Variants in GALNTL6 observed in about 807,000 individuals in gnomAD.
The protein encoded by GALNTL6 is polypeptide N-acetylgalactosaminyltransferase like 6.
Under a neutral mutation model 73.7 loss-of-function variants are expected in GALNTL6, and 46 were observed. The ratio of observed to expected loss-of-function variants is 0.62; its 90% confidence interval spans 0.49 to 0.80. The LOEUF is 0.80. Ranked by LOEUF, GALNTL6 falls within the 30% of genes least tolerant of loss-of-function variation. The probability of loss-of-function intolerance (pLI) is 0.00; values close to 1 mark genes in which losing one functional copy is unlikely to be tolerated. For synonymous variants in GALNTL6, 259 were observed against 263.7 expected, an observed-to-expected ratio of 0.98 and a Z score of 0.17; for missense variants, 604 against 755.0, an observed-to-expected ratio of 0.80 and a Z score of 2.34.
At chr4:172,712,226 A>G (rs1415649247) in intron 5 of GALNTL6, among the ~76,000 whole-genome samples, 2 of 152,232 alleles carry the variant, frequency 1.3e-5, no homozygotes, top group Non-Finnish European at 2.9e-5. Context: ...GGAAATCATT[A>G]GAAAATTTAT....
At chr4:172,188,374 AG>A (rs1368665839) in intron 2 of GALNTL6, among the ~76,000 whole-genome samples, 3 of 152,156 alleles carry the variant, frequency 2.0e-5, no homozygotes, top group Non-Finnish European at 4.4e-5. Flanking sequence ...CACCATGAAA[AG>A]CTTCCGTACA....
chr4:172,876,775 C>G (rs1745218253), intron 7 of GALNTL6, among the ~76,000 whole-genome samples: 1 of 152,124 alleles, frequency 6.6e-6, no homozygotes, highest in African/African-American at 2.4e-5. Context: ...CTAATGTAAG[C>G]AATGCTTTCA....
intron 2 of GALNTL6, among the ~76,000 whole-genome samples, chr4:171,996,783 G>C (rs1740506632): frequency 6.6e-6 from 1 of 151,298 alleles, no homozygotes; most frequent in African/African-American, 2.4e-5. Context: ...TATGTGTTGG[G>C]CTGCATTCAA....
chr4:172,649,263 A>C (rs944878461), intron 5 of GALNTL6, among the ~76,000 whole-genome samples: 20 of 152,152 alleles, frequency 1.3e-4, no homozygotes, highest in African/African-American at 4.8e-4. Context: ...GAATGCTCAG[A>C]TGTCACCCAA....
chr4:172,724,123 C>G (rs186668220), intron 5 of GALNTL6, among the ~76,000 whole-genome samples: 3 of 152,164 alleles, frequency 2.0e-5, no homozygotes, highest in Non-Finnish European at 2.9e-5. Flanking sequence ...TGAACAGAAC[C>G]CTTACTAATT....
intron 2 of GALNTL6, among the ~76,000 whole-genome samples, chr4:172,044,411 A>G (rs950497274): frequency 6.6e-6 from 1 of 151,916 alleles, no homozygotes; most frequent in African/African-American, 2.4e-5. Context: ...TTGGTGTTAT[A>G]TTTCCAGCAT....
chr4:172,684,394 A>G (rs1237476568), intron 5 of GALNTL6, among the ~76,000 whole-genome samples: 1 of 152,216 alleles, frequency 6.6e-6, no homozygotes, highest in Non-Finnish European at 1.5e-5. Flanking sequence ...AGAGAATACA[A>G]GCAATTATAA....
At chr4:172,550,197 G>C (rs1233267660) in intron 5 of GALNTL6, among the ~76,000 whole-genome samples, 2 of 152,060 alleles carry the variant, frequency 1.3e-5, no homozygotes, top group Non-Finnish European at 2.9e-5. Flanking sequence ...AGATTGTTGG[G>C]ACAAATTATC....
At chr4:172,853,260 T>G in intron 7 of GALNTL6, among the ~76,000 whole-genome samples, 1 of 152,222 alleles carries the variant, frequency 6.6e-6, no homozygotes, top group East Asian at 1.9e-4. Flanking sequence ...TTTTTCTGGG[T>G]GTTAGCTGGT....
At chr4:172,042,975 C>T (rs1378803557) in intron 2 of GALNTL6, among the ~76,000 whole-genome samples, 2 of 150,976 alleles carry the variant, frequency 1.3e-5, no homozygotes, top group Admixed American at 6.6e-5. Flanking sequence ...ACAGACTCTC[C>T]AAAATCTGGC....
intron 2 of GALNTL6, among the ~76,000 whole-genome samples, chr4:171,867,433 A>C (rs1411330317): frequency 6.6e-6 from 1 of 152,230 alleles, no homozygotes; most frequent in African/African-American, 2.4e-5. Context: ...AAAACCTGGG[A>C]GTCACCAGCG....
At chr4:172,271,571 T>G in intron 3 of GALNTL6, among the ~76,000 whole-genome samples, 1 of 152,186 alleles carries the variant, frequency 6.6e-6, no homozygotes, top group Admixed American at 6.5e-5. Context: ...CACCTATGCA[T>G]ATATGTGCAT....
At chr4:172,197,998 C>A (rs903406256) in intron 2 of GALNTL6, among the ~76,000 whole-genome samples, 2 of 152,020 alleles carry the variant, frequency 1.3e-5, no homozygotes, top group South Asian at 2.1e-4. Flanking sequence ...GTAGTCCCAG[C>A]TACTCGGGAG....
At chr4:171,987,911 G>C (rs186520147) in intron 2 of GALNTL6, among the ~76,000 whole-genome samples, 3,204 of 152,174 alleles carry the variant, frequency 0.021, 102 homozygotes, top group African/African-American at 0.072. Flanking sequence ...TGTGGAAGTC[G>C]GGATTAAAGT....
chr4:172,119,089 T>C (rs1579157091), intron 2 of GALNTL6, among the ~76,000 whole-genome samples: 1 of 152,146 alleles, frequency 6.6e-6, no homozygotes, highest in Non-Finnish European at 1.5e-5. Flanking sequence ...GTGTAAGCAG[T>C]GTGTGAATAT....
At chr4:172,621,255 A>G (rs1738940336) in intron 5 of GALNTL6, among the ~76,000 whole-genome samples, 2 of 152,134 alleles carry the variant, frequency 1.3e-5, no homozygotes, top group South Asian at 2.1e-4. Flanking sequence ...GGATCTTGCT[A>G]TGTTGCCCAG....
At chr4:172,892,863 A>G (rs1746113719) in intron 8 of GALNTL6, among the ~76,000 whole-genome samples, 2 of 152,152 alleles carry the variant, frequency 1.3e-5, no homozygotes, top group Admixed American at 1.3e-4. Flanking sequence ...GGGGCAGCCC[A>G]AGGCAAGGTT....
At position 172,046,552 on chromosome 4, in the gene GALNTL6, T is replaced by C. The variant is rs186569039; in HGVS notation, c.139-183104T>C. Reference sequence around the variant, plus strand: ...CCCTTGTTATCTTTTGTCTTTTTTATAAAACCCAGTCTGACAGGTGTGAGA... The same window carrying C: ...CCCTTGTTATCTTTTGTCTTTTTTACAAAACCCAGTCTGACAGGTGTGAGA... On this transcript the variant is annotated intron_variant, in intron 2 of 12. Transcript: ENST00000506823. Among the ~76,000 whole-genome samples, 445 of 152,272 alleles carry C rather than the reference T, an allele frequency of 2.9e-3. 3 individuals are homozygous for C. Among genetic ancestry groups the C allele is most frequent in the African/African-American group, 9.8e-3 (408 of 41,572 alleles).
chr4:172,568,479 G>A (rs1378538915), intron 5 of GALNTL6, among the ~76,000 whole-genome samples: 2 of 152,070 alleles, frequency 1.3e-5, no homozygotes, highest in South Asian at 4.2e-4. Context: ...AAGATGGGCC[G>A]GGCGCGGTGG....
Sources: gnomAD v4.1 joint callset for allele counts (sites outside exome capture counted in the v4.1 genomes callset) on GRCh38, gnomAD v4.1.1 for gene constraint, MANE v1.5 for transcripts, NCBI Gene and HGNC (gene_info 2026-07-23, HGNC 2026-07-21) for gene names.